Variants in PCNX2 observed in about 807,000 individuals in gnomAD.
PCNX2 encodes pecanex-like protein 2.
In PCNX2, 168 loss-of-function variants were observed where a neutral mutation model predicts 223.8. The observed-to-expected ratio is 0.75, with a 90% confidence interval of 0.66 to 0.85. PCNX2 has a LOEUF of 0.85. PCNX2 is among the 40% of genes least tolerant of loss of function. The pLI is 0.00. For synonymous variants in PCNX2, 1,006 were observed against 1,052.6 expected, an observed-to-expected ratio of 0.96 and a Z score of 0.86; for missense variants, 2,507 against 2,675.5, an observed-to-expected ratio of 0.94 and a Z score of 1.39.
At chr1:233,227,193 T>C (rs1657788486) in intron 10 of PCNX2, 33 bp downstream of exon 10, 2 of 1,587,380 alleles carry the variant, frequency 1.3e-6, no homozygotes, top group Non-Finnish European at 1.7e-6. Flanking sequence ...CGGTGTGCCT[T>C]CCGACAGTGT....
intron 1 of PCNX2, among the ~76,000 whole-genome samples, chr1:233,264,758 C>T (rs1402451185): frequency 6.6e-6 from 1 of 151,906 alleles, no homozygotes; most frequent in Non-Finnish European, 1.5e-5. Flanking sequence ...TAAATATAAA[C>T]CTTATATTTA....
At chr1:233,178,553 C>A (rs1572027275) in intron 16 of PCNX2, among the ~76,000 whole-genome samples, 1 of 152,208 alleles carries the variant, frequency 6.6e-6, no homozygotes, top group African/African-American at 2.4e-5. Context: ...CATTTTAACA[C>A]TTTGGTGCAA....
In PCNX2 at chr1:233,227,301, T is replaced by C. The variant is rs1657798363; in HGVS notation, c.2429A>G (p.Tyr810Cys). 2 of 1,613,648 alleles carry C rather than the reference T, an allele frequency of 1.2e-6. No individual in the cohort carries two copies. Among genetic ancestry groups the C allele is most frequent in the Non-Finnish European group, 1.7e-6 (2 of 1,179,708 alleles). The change falls in exon 10 of 34, where the codon TAC becomes TGC. Residue 810 changes from tyrosine to cysteine, a missense_variant. By Grantham distance (194) the Tyr-to-Cys change is radical. This residue lies in a region of PCNX2 where 1,031 missense variants were observed against 1,021.7 expected (regional missense o/e 1.01). Coordinates refer to ENST00000258229, the MANE Select transcript of PCNX2 (RefSeq NM_014801.4). ...CTTGCCAGGGAAAATGATAAATTTG[T>C]AAAACTGCTCTCGGTTAAATTTTCC... is the stretch of plus-strand genomic sequence containing the variant. ...TQGKFNREQF[Y>C]KFIIFPGKWI...
chr1:233,056,248 G>A (rs1048688352), intron 24 of PCNX2, among the ~76,000 whole-genome samples: 1 of 152,178 alleles, frequency 6.6e-6, no homozygotes, highest in Non-Finnish European at 1.5e-5. Context: ...GCCTGAATGA[G>A]AGAATTAGCC....
intron 1 of PCNX2, among the ~76,000 whole-genome samples, chr1:233,287,195 A>G (rs1417708580): frequency 6.6e-6 from 1 of 152,220 alleles, no homozygotes; most frequent in African/African-American, 2.4e-5. Flanking sequence ...AAAACACAAG[A>G]GGCTGTGTAT....
intron 1 of PCNX2, among the ~76,000 whole-genome samples, chr1:233,281,581 T>C (rs764927633): frequency 2.6e-5 from 4 of 152,190 alleles, no homozygotes; most frequent in Non-Finnish European, 4.4e-5. Context: ...AAGTTTCCCA[T>C]GATAGAAAAA....
At chr1:233,004,881 G>C (rs183166824) in intron 28 of PCNX2, among the ~76,000 whole-genome samples, 1 of 152,180 alleles carries the variant, frequency 6.6e-6, no homozygotes, top group African/African-American at 2.4e-5. Flanking sequence ...GGTGGGGTTC[G>C]GGGTGCTGTG....
At chr1:233,087,005 CA>C (rs1313673404) in intron 23 of PCNX2, 1 of 984,646 alleles carries the variant, frequency 1.0e-6, no homozygotes, top group South Asian at 4.7e-5. Context: ...AAAAGGCAGA[CA>C]GGGGACACAT....
At chr1:233,155,811 G>T (rs1294628895) in intron 19 of PCNX2, among the ~76,000 whole-genome samples, 6 of 152,108 alleles carry the variant, frequency 3.9e-5, no homozygotes, top group Admixed American at 3.9e-4. Flanking sequence ...AAAGTCATTT[G>T]TCTGGAATCA....
At chr1:233,160,871 T>C (rs1678427296) in intron 18 of PCNX2, among the ~76,000 whole-genome samples, 2 of 152,160 alleles carry the variant, frequency 1.3e-5, no homozygotes. Context: ...TGAAAATCCT[T>C]TTCCCATAGT....
chr1:233,149,662 A>G (rs995682611), intron 19 of PCNX2, among the ~76,000 whole-genome samples: 1 of 152,194 alleles, frequency 6.6e-6, no homozygotes, highest in South Asian at 2.1e-4. Context: ...ACTAACATGT[A>G]CACATGTTGT....
chr1:233,063,459 A>G (rs1003146336), intron 23 of PCNX2, among the ~76,000 whole-genome samples: 1 of 152,178 alleles, frequency 6.6e-6, no homozygotes, highest in Non-Finnish European at 1.5e-5. Flanking sequence ...ATAGGAGTAC[A>G]ACTACATATT....
At chr1:233,232,788 A>C (rs988480385) in intron 9 of PCNX2, 37 of 984,722 alleles carry the variant, frequency 3.8e-5, no homozygotes, top group Non-Finnish European at 4.3e-5. Flanking sequence ...CAGGCCTAGC[A>C]CTGTGCTTAT....
At chr1:233,302,027 C>T in the PCNX2 span, among the ~76,000 whole-genome samples, 3 of 151,986 alleles carry the variant, frequency 2.0e-5, no homozygotes, top group Non-Finnish European at 2.9e-5. Context: ...AACTCCTGAC[C>T]TCGGGTAATG....
At chr1:233,109,375 G>C (rs966341763) in intron 21 of PCNX2, among the ~76,000 whole-genome samples, 13 of 152,192 alleles carry the variant, frequency 8.5e-5, no homozygotes, top group Non-Finnish European at 1.3e-4. Flanking sequence ...GGAACGATCT[G>C]ACAGGGGATT....
At chr1:233,219,745 C>A (rs969839653) in intron 10 of PCNX2, among the ~76,000 whole-genome samples, 2 of 152,146 alleles carry the variant, frequency 1.3e-5, no homozygotes, top group Non-Finnish European at 2.9e-5. Context: ...CAGCCTCCCC[C>A]ACCATCAACA....
At chr1:233,294,614 T>C (rs1661958731) in intron 1 of PCNX2, among the ~76,000 whole-genome samples, 2 of 152,232 alleles carry the variant, frequency 1.3e-5, no homozygotes, top group African/African-American at 4.8e-5. Context: ...ACCTTACCTG[T>C]ACAGCTTTTC....
intron 10 of PCNX2, among the ~76,000 whole-genome samples, chr1:233,222,962 G>A (rs1657478336): frequency 6.6e-6 from 1 of 152,176 alleles, no homozygotes; most frequent in African/African-American, 2.4e-5. Context: ...ATAAATCCGA[G>A]TGTCACTGGC....
At chr1:233,295,999 TTTC>T (rs1215427921), upstream of PCNX2, among the ~76,000 whole-genome samples, 228 of 117,124 alleles carry the variant, frequency 1.9e-3, 1 homozygote, top group Non-Finnish European at 2.9e-3. This position sits in a 1 kb window ranked among gnomAD's most constrained non-coding sequence, Gnocchi z 4.1. Context: ...TCTTTCTTTC[TTTC>T]TTTTTTTTTT....
Sources: gnomAD v4.1 joint callset for allele counts (sites outside exome capture counted in the v4.1 genomes callset) on GRCh38, gnomAD v4.1.1 for gene constraint, gnomAD v4.1.1 regional missense constraint, Gnocchi (gnomAD v3.1) non-coding constraint, MANE v1.5 for transcripts, NCBI Gene and HGNC (gene_info 2026-07-23, HGNC 2026-07-21) for gene names.